Variants in NLGN1 observed in about 807,000 individuals in gnomAD.
NLGN1 encodes the protein neuroligin-1.
In NLGN1, 12 loss-of-function variants were observed where a neutral mutation model predicts 65.5. That is an observed-to-expected ratio of 0.18 (90% CI 0.12 to 0.30). The LOEUF is 0.30. Ranked by LOEUF, NLGN1 falls within the 10% of genes least tolerant of loss-of-function variation. The pLI is 1.00. For missense variants in NLGN1, 750 were observed against 1,007.1 expected (o/e 0.74, Z 3.46); for synonymous variants, 350 against 359.5 (o/e 0.97, Z 0.30).
chr3:173,747,801 C>CTTCTTCTTTTTTTTTTTTTTTTTTTTTTT (rs1775714048), intron 3 of NLGN1, among the ~76,000 whole-genome samples: 1 of 64,422 alleles, frequency 1.6e-5, no homozygotes. Flanking sequence ...TCTTCTTGTT[C>CTTCTTCTTTTTTTTTTTTTTTTTTTTTTT]TTTTTTTTTT....
At chr3:173,765,254 A>G (rs1326796183) in intron 3 of NLGN1, among the ~76,000 whole-genome samples, 2 of 152,198 alleles carry the variant, frequency 1.3e-5, no homozygotes, top group Non-Finnish European at 2.9e-5. Flanking sequence ...GAAGAAAAAT[A>G]TATAGAACAA....
intron 3 of NLGN1, among the ~76,000 whole-genome samples, chr3:173,800,518 A>T (rs1431412601): frequency 4.0e-5 from 6 of 151,568 alleles, no homozygotes; most frequent in Admixed American, 3.9e-4. Context: ...TAGAGTATTA[A>T]TTTTTTTAAA....
At chr3:173,584,794 G>GGA (rs1170256697) in intron 2 of NLGN1, 1 of 150,220 alleles carries the variant, frequency 6.7e-6, no homozygotes, top group African/African-American at 2.5e-5. Context: ...AGGAGGGGGG[G>GGA]GTGCAAAACT....
chr3:173,643,305 A>G (rs982461993), intron 3 of NLGN1, among the ~76,000 whole-genome samples: 1 of 152,238 alleles, frequency 6.6e-6, no homozygotes, highest in Admixed American at 6.5e-5. Context: ...TGAAAACTAT[A>G]CATCTATAGA....
chr3:173,747,795 CTTGTTCTTT>C (rs1344635233), intron 3 of NLGN1, among the ~76,000 whole-genome samples: 1 of 78,576 alleles, frequency 1.3e-5, no homozygotes, highest in Non-Finnish European at 2.3e-5. Context: ...TCTTCTTCTT[CTTGTTCTTT>C]TTTTTTTTTT....
chr3:174,206,296 C>A (rs1421419), intron 4 of NLGN1, among the ~76,000 whole-genome samples: 112,742 of 152,102 alleles, frequency 0.74, 41,824 homozygotes, highest in East Asian at 0.8. Context: ...GTGACAGGGG[C>A]GAAATCAGAT....
intron 4 of NLGN1, among the ~76,000 whole-genome samples, chr3:174,069,493 C>T (rs1036110962): frequency 6.6e-6 from 1 of 152,142 alleles, no homozygotes; most frequent in Non-Finnish European, 1.5e-5. Flanking sequence ...GTCCTAGGGA[C>T]AATTTTCAAA....
intron 3 of NLGN1, among the ~76,000 whole-genome samples, chr3:173,794,599 A>G (rs1713592247): frequency 6.6e-6 from 1 of 152,186 alleles, no homozygotes; most frequent in Non-Finnish European, 1.5e-5. Flanking sequence ...TAGAGTATAC[A>G]GAAGCATTTC....
At chr3:173,568,719 AGGCTG>A (rs1744134274) in intron 2 of NLGN1, among the ~76,000 whole-genome samples, 1 of 152,184 alleles carries the variant, frequency 6.6e-6, no homozygotes, top group Admixed American at 6.5e-5. Context: ...TCTGTTGCCC[AGGCTG>A]GAGTGCATTG....
intron 4 of NLGN1, among the ~76,000 whole-genome samples, chr3:173,928,039 G>A (rs1297647646): frequency 6.6e-6 from 1 of 152,178 alleles, no homozygotes; most frequent in East Asian, 1.9e-4. Flanking sequence ...TGAAATACAA[G>A]TGTAGCTAGA....
chr3:173,957,489 A>G (rs1712373625), intron 4 of NLGN1, among the ~76,000 whole-genome samples: 1 of 152,196 alleles, frequency 6.6e-6, no homozygotes, highest in African/African-American at 2.4e-5. Flanking sequence ...GTTTTCCCCC[A>G]ATATCCATTC....
chr3:173,934,715 A>G (rs1210073753), intron 4 of NLGN1, among the ~76,000 whole-genome samples: 1 of 152,022 alleles, frequency 6.6e-6, no homozygotes, highest in Non-Finnish European at 1.5e-5. Context: ...GTATTTTCTC[A>G]GAAAACCTCT....
chr3:173,634,616 C>A (rs1024638472), intron 3 of NLGN1, among the ~76,000 whole-genome samples: 2 of 152,042 alleles, frequency 1.3e-5, no homozygotes, highest in Non-Finnish European at 2.9e-5. Context: ...TGTCATGATT[C>A]ATTTAATCAT....
intron 4 of NLGN1, among the ~76,000 whole-genome samples, chr3:174,164,093 C>A (rs1322480721): frequency 6.6e-6 from 1 of 152,040 alleles, no homozygotes; most frequent in Non-Finnish European, 1.5e-5. Context: ...TCATCAGCAT[C>A]TGTTGTTTTT....
chr3:173,723,186 T>C (rs1378829499), intron 3 of NLGN1, among the ~76,000 whole-genome samples: 1 of 152,184 alleles, frequency 6.6e-6, no homozygotes, highest in Non-Finnish European at 1.5e-5. Flanking sequence ...GAAATAAATT[T>C]AGAAAGATGT....
At chr3:173,928,096 A>T (rs1743348770) in intron 4 of NLGN1, among the ~76,000 whole-genome samples, 1 of 152,180 alleles carries the variant, frequency 6.6e-6, no homozygotes, top group Non-Finnish European at 1.5e-5. Context: ...AGTTATTGTG[A>T]TTATTCTTAA....
intron 3 of NLGN1, among the ~76,000 whole-genome samples, chr3:173,759,119 T>C (rs977705533): frequency 9.2e-5 from 14 of 152,068 alleles, no homozygotes; most frequent in African/African-American, 3.4e-4. Context: ...AATCTCAATT[T>C]TAACTTCCTA....
intron 4 of NLGN1, among the ~76,000 whole-genome samples, chr3:173,868,461 A>G (rs1479746611): frequency 6.6e-6 from 1 of 152,172 alleles, no homozygotes; most frequent in African/African-American, 2.4e-5. Flanking sequence ...AAAAATTAGT[A>G]TGCGGTAAGT....
chr3:173,457,924 AG>A (rs933309301), intron 2 of NLGN1, among the ~76,000 whole-genome samples: 10 of 152,162 alleles, frequency 6.6e-5, no homozygotes, highest in African/African-American at 2.4e-4. Flanking sequence ...AATAGGAGTT[AG>A]GGAGATGGGT....
Sources: allele counts gnomAD v4.1 joint callset (sites outside exome capture counted in the v4.1 genomes callset), GRCh38; gene constraint gnomAD v4.1.1; transcripts MANE v1.5; gene names NCBI Gene and HGNC (gene_info 2026-07-23, HGNC 2026-07-21).